The following IRS1 variants were observed in gnomAD, a reference collection of about 807,000 sequenced individuals.
The protein encoded by IRS1 is insulin receptor substrate 1.
IRS1 carries 34 observed loss-of-function variants against 65.6 expected under a neutral mutation model. The observed-to-expected ratio is 0.52, with a 90% CI of 0.39 to 0.69. IRS1 has a LOEUF of 0.69. Among genes scored for constraint, IRS1 ranks in the 30% least tolerant of loss-of-function variants. IRS1 has a pLI of 0.00. For missense variants in IRS1, 1,641 were observed against 1,720.2 expected (o/e 0.95, Z 0.81); for synonymous variants, 699 against 683.5 (o/e 1.02, Z -0.35).
chr2:226,770,433 T>G (rs1939140084), intron 1 of IRS1, among the ~76,000 whole-genome samples: 1 of 152,372 alleles, frequency 6.6e-6, no homozygotes, highest in Non-Finnish European at 1.5e-5. Context: ...TAACTTGATC[T>G]GTTTAGTGCC....
chr2:226,784,737 T>A (rs961472136), intron 1 of IRS1, among the ~76,000 whole-genome samples: 1 of 152,194 alleles, frequency 6.6e-6, no homozygotes, highest in East Asian at 1.9e-4. Context: ...ATTCAAATGT[T>A]ATCTGTTACC....
chr2:226,770,704 C>T (rs981046102), intron 1 of IRS1, among the ~76,000 whole-genome samples: 1 of 152,140 alleles, frequency 6.6e-6, no homozygotes, highest in African/African-American at 2.4e-5. Flanking sequence ...TGTAGTATAG[C>T]ATGGGAGAAA....
intron 1 of IRS1, among the ~76,000 whole-genome samples, chr2:226,788,930 G>A (rs1939538386): frequency 6.6e-6 from 1 of 152,176 alleles, no homozygotes; most frequent in African/African-American, 2.4e-5. Context: ...AAATGTGGTA[G>A]AGGCAGGATC....
chr2:226,795,359 C>A lies in IRS1; in HGVS notation c.3380G>T (p.Gly1127Val), dbSNP rs752662327. 1.6e-5 allele frequency: 26 copies of A among 1,613,046 alleles called. No homozygotes were observed. Among genetic ancestry groups the A allele is most frequent in the Non-Finnish European group, 1.9e-5 (23 of 1,179,954 alleles). ...VPFGAGAAVGGGGGSSSSSED... is the reference protein window; with the variant it reads ...VPFGAGAAVGVGGGSSSSSED... ...GCTGCTGCTGCTGCTACCGCCACCG[C>A]CCCCTACTGCTGCCCCCGCTCCAAA... The change falls in exon 1 of 2, where the codon GGC (glycine) becomes GTC (valine). Residue 1127 changes from glycine to valine, a missense_variant. Gly to Val is a moderately radical substitution (Grantham distance 109). Transcript: ENST00000305123.
At chr2:226,791,602 T>TGCC (rs1939603062) in intron 1 of IRS1, among the ~76,000 whole-genome samples, 1 of 151,404 alleles carries the variant, frequency 6.6e-6, no homozygotes, top group African/African-American at 2.4e-5. Flanking sequence ...GGGAAAGAGG[T>TGCC]GCCAGGCAGG....
intron 1 of IRS1, among the ~76,000 whole-genome samples, chr2:226,760,047 A>G (rs1019190975): frequency 6.6e-6 from 1 of 152,138 alleles, no homozygotes; most frequent in Non-Finnish European, 1.5e-5. Flanking sequence ...GTGGTGGCGC[A>G]TGCCTGTAGT....
At chr2:226,787,302 G>T (rs113295026) in intron 1 of IRS1, among the ~76,000 whole-genome samples, 15 of 152,250 alleles carry the variant, frequency 9.9e-5, no homozygotes, top group African/African-American at 3.6e-4. Flanking sequence ...TGATGGTATT[G>T]TCAGACAGGA....
rs112421333 is a variant in IRS1, at chr2:226,743,173, A to C, written c.*22-6923T>G. Among the ~76,000 whole-genome samples the C allele has an allele frequency of 4.1e-3, 628 of 152,158 alleles. 3 individuals are homozygous for C. Among genetic ancestry groups the C allele is most frequent in the African/African-American group, 0.014 (590 of 41,492 alleles). ...AAAAGGACTTAGGAAAAAAAAACAA[A>C]AAAAAAAAGTCCCTCTTCATTTCAA... On this transcript the variant is annotated intron_variant, in intron 1 of 1. Coordinates refer to ENST00000305123, the MANE Select transcript of IRS1 (RefSeq NM_005544.3).
At position 226,798,186 on chromosome 2, in the gene IRS1, G is replaced by A; in HGVS notation, c.553C>T (p.Leu185Phe). Residue 185 changes from leucine to phenylalanine, a missense_variant, in exon 1 of 2, where the codon CTT becomes TTT. Around this residue, in one of 3 missense-constraint regions of IRS1, gnomAD observed 77 missense variants for 129.6 expected, o/e 0.59. Coordinates refer to ENST00000305123, the MANE Select transcript of IRS1 (RefSeq NM_005544.3). The surrounding 1 kb of genome is among the most constrained non-coding windows in gnomAD (Gnocchi z 9.4). ...QTKNLIGIYRLCLTSKTISFV... is the reference protein window; with the variant it reads ...QTKNLIGIYRFCLTSKTISFV... Reference sequence around the variant, plus strand: ...CTGATGGTCTTGCTGGTCAGGCAAAGGCGGTAGATACCAATCAGGTTCTTT... The same window carrying A: ...CTGATGGTCTTGCTGGTCAGGCAAAAGCGGTAGATACCAATCAGGTTCTTT... 1 of 1,613,992 alleles carries A rather than the reference G, an allele frequency of 6.2e-7. No homozygotes were observed. The highest frequency in any genetic ancestry group is 8.5e-7 in the Non-Finnish European group (1 of 1,180,038).
chr2:226,793,565 A>AT (rs2106183491), intron 1 of IRS1, among the ~76,000 whole-genome samples: 1 of 152,356 alleles, frequency 6.6e-6, no homozygotes, highest in East Asian at 1.9e-4. Context: ...AAAATAGAGA[A>AT]TTATATGGAT....
intron 1 of IRS1, among the ~76,000 whole-genome samples, chr2:226,788,576 C>T (rs1182314425): frequency 6.6e-6 from 1 of 152,112 alleles, no homozygotes; most frequent in Non-Finnish European, 1.5e-5. Context: ...CATGACAGTA[C>T]CTTATACTTG....
rs1939837463 is a variant in IRS1 at position 226,799,218 on chromosome 2, G to A, written c.-480C>T. Reference sequence around the variant, plus strand: ...CCCGAGGCAAATTAAATATCCTTGGGCAGGGGGAGGCGGGTTGCCAAGTCC... The same window carrying A: ...CCCGAGGCAAATTAAATATCCTTGGACAGGGGGAGGCGGGTTGCCAAGTCC... On this transcript the variant is annotated 5_prime_UTR_variant, in exon 1 of 2. Transcript: ENST00000305123. The surrounding 1 kb of genome is among the most constrained non-coding windows in gnomAD (Gnocchi z 6.1). 1 of 1,117,528 alleles carries A rather than the reference G, an allele frequency of 8.9e-7. No homozygotes were observed. The highest frequency in any genetic ancestry group is 1.1e-6 in the Non-Finnish European group (1 of 897,938). The allele number at this position is 1,117,528 out of a possible 1,614,324, so 69.2% of individuals were successfully genotyped here. A position where few individuals can be genotyped will look rare whatever the true frequency, so the allele number is the denominator to read the frequency against.
rs1299138108 is a variant in IRS1 at position 226,797,397 on chromosome 2, C to T, written c.1342G>A (p.Asp448Asn). The change falls in exon 1 of 2, where the codon GAT becomes AAT. Residue 448 changes from aspartate (D) to asparagine (N), a missense_variant. Transcript: ENST00000305123. The surrounding 1 kb of genome is among the most constrained non-coding windows in gnomAD (Gnocchi z 8.1). ...FRSSFRSVTP[D>N]SLGHTPPARG... ...GCTGGTGGGGTGTGGCCCAGGGAAT[C>T]CGGAGTGACACTGCGGAAGGAACTC... 1 of 1,612,270 alleles carries T rather than the reference C, an allele frequency of 6.2e-7. No individual in the cohort carries two copies. Among genetic ancestry groups the T allele is most frequent in the Non-Finnish European group, 8.5e-7 (1 of 1,179,312 alleles).
intron 1 of IRS1, among the ~76,000 whole-genome samples, chr2:226,745,447 A>C (rs1179117452): frequency 6.6e-6 from 1 of 152,218 alleles, no homozygotes; most frequent in African/African-American, 2.4e-5. Flanking sequence ...AAGACTGATA[A>C]TTTTGTTTAA....
chr2:226,769,570 C>T lies in IRS1; in HGVS notation c.*21+25419G>A, dbSNP rs538263075. ...TGCAGATGTTGTTTTAGGTTTCCGA[C>T]GCGTTTCATGGGAGGCTTAGAAACT... On this transcript the variant is annotated intron_variant, in intron 1 of 1. Transcript: ENST00000305123. Among the ~76,000 whole-genome samples the T allele has an allele frequency of 1.2e-4, 19 of 152,302 alleles. No individual in the cohort carries two copies. In the South Asian group the frequency reaches 3.1e-3, roughly 25 times the overall value.
Position 226,795,462 on chromosome 2 carries a change from G to A in IRS1, c.3277C>T (p.Gln1093Ter), listed in dbSNP as rs1440173851. 4 of 1,613,472 alleles carry A rather than the reference G, an allele frequency of 2.5e-6. No homozygotes were observed. The highest frequency in any genetic ancestry group is 2.2e-5 in the East Asian group (1 of 44,886). ...GAGCTATGCCTCCGCCGGCACCCTT[G>A]TGGGTCTGCACGGATCACTTTGGCA... The part of the protein sequence containing the change: ...QSAKVIRADP[Q>*]GCRRRHSSET... The change falls in exon 1 of 2, where the codon CAA (glutamine) becomes TAA (stop). Residue 1093 changes from glutamine to a stop codon, truncating the protein, a stop_gained. Transcript: ENST00000305123. LOFTEE classifies it high-confidence loss of function.
chr2:226,795,746 C>T lies in IRS1; in HGVS notation c.2993G>A (p.Arg998His), dbSNP rs143760685. 4.6e-5 allele frequency: 74 copies of T among 1,613,370 alleles called. No individual in the cohort carries two copies. The African/African-American group carries it at 8.4e-4, about 18-fold the overall frequency. The change falls in exon 1 of 2, where the codon CGT becomes CAT. Residue 998 changes from arginine (R) to histidine (H), a missense_variant. By Grantham distance (29) the Arg-to-His change is conservative. Around this residue, in one of 3 missense-constraint regions of IRS1, gnomAD observed 1,324 missense variants for 1,361.0 expected, o/e 0.97. Coordinates refer to ENST00000305123, the MANE Select transcript of IRS1 (RefSeq NM_005544.3). The stretch of plus-strand genomic sequence containing the variant: ...TGGCGAGGTGTCCACGTAGCTCTGA[C>T]GGGGACAACTCATCTGCATGGTCAT... ...DYMTMQMSCP[R>H]QSYVDTSPAA...
intron 1 of IRS1, among the ~76,000 whole-genome samples, chr2:226,750,439 G>A (rs963541762): frequency 6.6e-6 from 1 of 151,900 alleles, no homozygotes; most frequent in Non-Finnish European, 1.5e-5. Context: ...TTCAACATAA[G>A]GGCCAAAGAA....
In IRS1 at chr2:226,797,246, G is replaced by T. The variant is rs752011391; in HGVS notation, c.1493C>A (p.Thr498Lys). 3.1e-6 allele frequency: 5 copies of T among 1,613,488 alleles called. No individual in the cohort carries two copies. Among genetic ancestry groups the T allele is most frequent in the African/African-American group, 2.7e-5 (2 of 74,940 alleles). Residue 498 changes from threonine to lysine, a missense_variant, in exon 1 of 2, where the codon ACA becomes AAA. Transcript: ENST00000305123. This position sits in a 1 kb window ranked among gnomAD's most constrained non-coding sequence, Gnocchi z 8.1. ...CAAGGCTGGACTCGTGCCCAAGCCT[G>T]TTCCTGGGGTGCAGCGGTGGCCATT... ...GGNGHRCTPG[T>K]GLGTSPALAG... is the part of the protein sequence containing the mutation.
Sources: gnomAD v4.1 joint callset for allele counts (sites outside exome capture counted in the v4.1 genomes callset) on GRCh38, gnomAD v4.1.1 for gene constraint, gnomAD v4.1.1 regional missense constraint, Gnocchi (gnomAD v3.1) non-coding constraint, MANE v1.5 for transcripts, NCBI Gene and HGNC (gene_info 2026-07-23, HGNC 2026-07-21) for gene names.